LRP1B: variants seen among roughly 807,000 people sequenced by gnomAD.
LRP1B encodes the protein low-density lipoprotein receptor-related protein 1B.
In LRP1B, 217 loss-of-function variants were observed where a neutral mutation model predicts 556.6. The ratio of observed to expected loss-of-function variants is 0.39; its 90% CI spans 0.35 to 0.44. The LOEUF is 0.44. Ranked by LOEUF, LRP1B falls within the 20% of genes least tolerant of loss-of-function variation. LRP1B has a pLI of 1.00. For missense variants in LRP1B, 5,053 were observed against 5,620.8 expected, an observed-to-expected ratio of 0.90 and a Z score of 3.23; for synonymous variants, 2,047 against 1,865.8, an observed-to-expected ratio of 1.10 and a Z score of -2.50.
intron 41 of LRP1B, among the ~76,000 whole-genome samples, chr2:140,620,611 G>T (rs1230858091): frequency 1.3e-5 from 2 of 151,992 alleles, no homozygotes; most frequent in African/African-American, 4.8e-5. Context: ...ATGTATTTAA[G>T]TTCCTATGTG....
intron 27 of LRP1B, among the ~76,000 whole-genome samples, chr2:140,857,016 G>T (rs2105132896): frequency 6.6e-6 from 1 of 152,230 alleles, no homozygotes; most frequent in Non-Finnish European, 1.5e-5. Flanking sequence ...ACACAAGACT[G>T]ATGTGTGCTC....
At chr2:142,054,063 C>CA (rs1255324193) in intron 1 of LRP1B, among the ~76,000 whole-genome samples, 1 of 152,112 alleles carries the variant, frequency 6.6e-6, no homozygotes, top group African/African-American at 2.4e-5. Context: ...TAGGTACTCT[C>CA]AATTCTATTC....
At chr2:141,229,604 T>C (rs1409025249) in intron 5 of LRP1B, among the ~76,000 whole-genome samples, 164 bp from the exon 6 acceptor site, 2 of 152,182 alleles carry the variant, frequency 1.3e-5, no homozygotes, top group African/African-American at 2.4e-5. Context: ...TTCACTGTTT[T>C]AGTGTACTTC....
intron 2 of LRP1B, among the ~76,000 whole-genome samples, chr2:141,704,063 C>A (rs1015378210): frequency 6.6e-6 from 1 of 151,354 alleles, no homozygotes; most frequent in Admixed American, 6.6e-5. Context: ...AACTCAGGCT[C>A]AATTAAAGAT....
chr2:140,389,280 G>A (rs1573878812), intron 66 of LRP1B, among the ~76,000 whole-genome samples: 1 of 152,034 alleles, frequency 6.6e-6, no homozygotes, highest in East Asian at 1.9e-4. Context: ...TTTGTATATG[G>A]ATGGGATATT....
At chr2:141,610,141 C>G (rs1688056292) in intron 2 of LRP1B, among the ~76,000 whole-genome samples, 1 of 152,008 alleles carries the variant, frequency 6.6e-6, no homozygotes, top group Non-Finnish European at 1.5e-5. Flanking sequence ...AGTAATGAAC[C>G]TCTTCTTCGA....
At chr2:141,592,524 G>A (rs1281061802) in intron 2 of LRP1B, among the ~76,000 whole-genome samples, 1 of 152,116 alleles carries the variant, frequency 6.6e-6, no homozygotes, top group African/African-American at 2.4e-5. Context: ...TTGGTGATTA[G>A]GTTTCAATAT....
chr2:141,122,576 C>T lies in LRP1B; in HGVS notation c.1014-60303G>A, dbSNP rs1221102494. Among the ~76,000 whole-genome samples, 5 of 152,022 alleles carry T rather than the reference C, an allele frequency of 3.3e-5. No individual in the cohort carries two copies. In the South Asian group the frequency reaches 8.3e-4, roughly 25 times the overall value. ...TACCATCTCACACCAGTTAGAATGG[C>T]GATCATTAAAAAGTCAGGAAACAAC... On this transcript the variant is annotated intron_variant, in intron 7 of 90. Transcript: ENST00000389484.
intron 1 of LRP1B, among the ~76,000 whole-genome samples, chr2:142,022,510 TG>T (rs1703367788): frequency 6.6e-6 from 1 of 152,094 alleles, no homozygotes; most frequent in African/African-American, 2.4e-5. Context: ...TTGAAGGGCA[TG>T]ACATTCAGTG....
At chr2:142,080,524 TAAA>T (rs557528091) in intron 1 of LRP1B, among the ~76,000 whole-genome samples, 1 of 146,720 alleles carries the variant, frequency 6.8e-6, no homozygotes, top group African/African-American at 2.5e-5. Context: ...GTTGAGTTTG[TAAA>T]AAAAATAAAT....
At chr2:140,244,856 C>A (rs1681087878) in intron 87 of LRP1B, among the ~76,000 whole-genome samples, 1 of 151,240 alleles carries the variant, frequency 6.6e-6, no homozygotes, top group Non-Finnish European at 1.5e-5. Context: ...TTTCATCGTT[C>A]TTATTGGGCA....
At chr2:140,671,024 T>G (rs1685460254) in intron 41 of LRP1B, among the ~76,000 whole-genome samples, 1 of 152,222 alleles carries the variant, frequency 6.6e-6, no homozygotes, top group African/African-American at 2.4e-5. Context: ...TATGTTAGAA[T>G]TGCAAACATT....
intron 25 of LRP1B, among the ~76,000 whole-genome samples, chr2:140,877,872 T>C (rs759984990): frequency 3.9e-5 from 6 of 152,300 alleles, no homozygotes; most frequent in East Asian, 3.9e-4. Context: ...AGCTGTGTCA[T>C]GGGCACATAT....
intron 7 of LRP1B, among the ~76,000 whole-genome samples, chr2:141,075,164 G>A (rs1699754121): frequency 6.6e-6 from 1 of 152,130 alleles, no homozygotes; most frequent in Admixed American, 6.6e-5. Context: ...GATTAAAAGT[G>A]TTGGGTGACG....
intron 7 of LRP1B, among the ~76,000 whole-genome samples, chr2:141,115,452 GTTTTTGT>G (rs1317129203): frequency 1.1e-5 from 1 of 90,610 alleles, no homozygotes; most frequent in African/African-American, 3.8e-5. Context: ...ATAGGTTTTT[GTTTTTGT>G]TTTTTTTTTT....
At chr2:140,538,817 GA>G (rs11401510) in intron 45 of LRP1B, among the ~76,000 whole-genome samples, 20 of 151,730 alleles carry the variant, frequency 1.3e-4, no homozygotes, top group African/African-American at 4.6e-4. Context: ...ATTTTCCAAT[GA>G]AAAAATAATT....
At chr2:140,914,127 A>G (rs935089178) in intron 21 of LRP1B, among the ~76,000 whole-genome samples, 12 of 152,100 alleles carry the variant, frequency 7.9e-5, no homozygotes, top group Non-Finnish European at 1.5e-4. Context: ...AGATTTTTTT[A>G]AAGTATGTGT....
chr2:141,176,113 C>T (rs900949345), intron 7 of LRP1B, among the ~76,000 whole-genome samples: 6 of 152,042 alleles, frequency 3.9e-5, no homozygotes, highest in Non-Finnish European at 5.9e-5. Flanking sequence ...ATTTTATAGG[C>T]TTATAAGCAG....
At chr2:141,100,231 A>G (rs1700425186) in intron 7 of LRP1B, among the ~76,000 whole-genome samples, 1 of 152,184 alleles carries the variant, frequency 6.6e-6, no homozygotes, top group Non-Finnish European at 1.5e-5. Context: ...AAACTCTGCC[A>G]TGGCAAGCAC....
Sources: gnomAD v4.1 joint callset for allele counts (sites outside exome capture counted in the v4.1 genomes callset) on GRCh38, gnomAD v4.1.1 for gene constraint, MANE v1.5 for transcripts, NCBI Gene and HGNC (gene_info 2026-07-23, HGNC 2026-07-21) for gene names.